PODXL: variants seen among roughly 807,000 people sequenced by gnomAD.
The protein encoded by PODXL is podocalyxin.
A neutral mutation model predicts 48.9 loss-of-function variants in PODXL; 20 were observed. That is an observed-to-expected ratio of 0.41 (90% confidence interval 0.29 to 0.59). The LOEUF is 0.59. PODXL is among the 20% of genes least tolerant of loss of function. PODXL has a pLI of 0.31. For synonymous variants in PODXL, 295 were observed against 287.4 expected, an observed-to-expected ratio of 1.03 and a Z score of -0.27; for missense variants, 606 against 675.1, an observed-to-expected ratio of 0.90 and a Z score of 1.13.
chr7:131,513,661 G>A (rs1797951233), intron 1 of PODXL, among the ~76,000 whole-genome samples: 1 of 152,188 alleles, frequency 6.6e-6, no homozygotes, highest in Non-Finnish European at 1.5e-5. Context: ...CAGGAGTGGT[G>A]ACATCATGCA....
chr7:131,552,160 T>G (rs1798678715), intron 1 of PODXL, among the ~76,000 whole-genome samples: 1 of 152,146 alleles, frequency 6.6e-6, no homozygotes, highest in South Asian at 2.1e-4. Flanking sequence ...CCGGTTCCCC[T>G]CAGTTCTACA....
intron 1 of PODXL, among the ~76,000 whole-genome samples, chr7:131,548,176 CTG>C (rs1798612619): frequency 6.6e-6 from 1 of 152,234 alleles, no homozygotes; most frequent in Non-Finnish European, 1.5e-5. Context: ...TTCCTGAGAG[CTG>C]TGTTTCCTGA....
chr7:131,506,164 A>G (rs937985156), intron 7 of PODXL, 96 bp downstream of exon 7: 10 of 1,545,266 alleles, frequency 6.5e-6, no homozygotes, highest in Non-Finnish European at 8.9e-6. Context: ...ATGCAGGCAC[A>G]TGACGGGGTT....
chr7:131,530,777 A>T lies in PODXL; in HGVS notation c.101-19344T>A, dbSNP rs1490695710. On this transcript the variant is annotated intron_variant, in intron 1 of 8. Transcript: ENST00000378555. ...TGTCTCAGAAAAAAAAAAAAAAAAA[A>T]GGCCAGGTGTGGTGGCTCCCACCTA... Among the ~76,000 whole-genome samples, 6 of 147,782 alleles carry T rather than the reference A, an allele frequency of 4.1e-5. No homozygotes were observed. In the East Asian group the frequency reaches 1.2e-3, roughly 30 times the overall value.
At chr7:131,506,775 C>A (rs775819407) in intron 5 of PODXL, 49 bp from the exon 6 acceptor site, 10 of 1,577,362 alleles carry the variant, frequency 6.3e-6, no homozygotes, top group Non-Finnish European at 8.6e-6. Flanking sequence ...TGACAGCAGC[C>A]TAGGCCTGTG....
intron 1 of PODXL, among the ~76,000 whole-genome samples, chr7:131,537,384 C>T (rs958980749): frequency 5.9e-5 from 9 of 151,722 alleles, no homozygotes; most frequent in Non-Finnish European, 1.3e-4. Context: ...GTCAGGAGTT[C>T]GAGACAATCC....
At chr7:131,506,144 C>CCT in intron 7 of PODXL, 109 bp from the exon 8 acceptor site, 1 of 1,546,220 alleles carries the variant, frequency 6.5e-7, no homozygotes, top group Non-Finnish European at 8.9e-7. Flanking sequence ...GTGCCGCCGC[C>CCT]CTCTTCTACA....
rs1249499313 is a variant in PODXL, at chr7:131,501,308, G to C, written c.*3003C>G. The C allele has an allele frequency of 6.6e-6, 1 of 152,558 alleles. No homozygotes were observed. The highest frequency in any genetic ancestry group is 1.5e-5 in the Non-Finnish European group (1 of 68,034). The allele number at this position is 152,558 out of a possible 1,614,324, so 9.5% of individuals were successfully genotyped here. On this transcript the variant is annotated 3_prime_UTR_variant, in exon 9 of 9. Transcript: ENST00000378555. ...TTTCAAAGTATGTTCACTTAAAGCA[G>C]TGCAGGGTAGGTTAACATGGTCACT... is the stretch of plus-strand genomic sequence containing the variant.
chr7:131,535,333 T>C (rs565280622), intron 1 of PODXL, among the ~76,000 whole-genome samples: 2 of 152,220 alleles, frequency 1.3e-5, no homozygotes, highest in East Asian at 3.9e-4. Context: ...GTTATTACAG[T>C]AAGCTGTACG....
intron 1 of PODXL, among the ~76,000 whole-genome samples, chr7:131,521,934 C>T (rs181072481): frequency 9.8e-5 from 15 of 152,326 alleles, no homozygotes; most frequent in Admixed American, 8.5e-4. Flanking sequence ...GGAAACCTCC[C>T]GCAGCCAGGG....
chr7:131,510,831 G>A lies in PODXL; in HGVS notation c.703C>T (p.Leu235=). 6.2e-7 allele frequency: 1 copy of A among 1,614,128 alleles called. No individual in the cohort carries two copies. The highest frequency in any genetic ancestry group is 8.5e-7 in the Non-Finnish European group (1 of 1,180,022). ...AAGAAAACCAGGCATTACTTACGTAGGGTGGTGGTCATCCCCGGGCTTGTG... is the reference window on the plus strand; with the variant it reads ...AAGAAAACCAGGCATTACTTACGTAAGGTGGTGGTCATCCCCGGGCTTGTG... ...TFTSPGMTTT[L]LETVFHHVSQ... is the part of the protein sequence containing the mutation. Residue 235 remains leucine (L), a synonymous_variant, in exon 2 of 9, where the codon CTA becomes TTA. Coordinates refer to ENST00000378555, the MANE Select transcript of PODXL (RefSeq NM_001018111.3).
Position 131,502,654 on chromosome 7 carries a change from A to G in PODXL, c.*1657T>C, listed in dbSNP as rs1797726697. The G allele has an allele frequency of 6.6e-6, 1 of 152,280 alleles. No homozygotes were observed. The allele number at this position is 152,280 out of a possible 1,614,324, so 9.4% of individuals were successfully genotyped here. ...TTCATTCCCCTAAGCAGTTCTGCCC[A>G]TTTTCCTACTTGATCCCAGGGAATT... On this transcript the variant is annotated 3_prime_UTR_variant, in exon 9 of 9. Transcript: ENST00000378555.
At chr7:131,541,771 T>TA in intron 1 of PODXL, among the ~76,000 whole-genome samples, 1 of 152,114 alleles carries the variant, frequency 6.6e-6, no homozygotes, top group Middle Eastern at 3.4e-3. Flanking sequence ...CAGGGAAAGT[T>TA]AAAGGCCATG....
At chr7:131,540,389 G>A (rs565882014) in intron 1 of PODXL, among the ~76,000 whole-genome samples, 1 of 152,076 alleles carries the variant, frequency 6.6e-6, no homozygotes, top group Admixed American at 6.5e-5. Flanking sequence ...GACTAGCCCA[G>A]GGAAGGCCCC....
intron 4 of PODXL, 84 bp from the exon 5 acceptor site, chr7:131,509,112 T>A: frequency 8.2e-7 from 1 of 1,217,634 alleles, no homozygotes; most frequent in Non-Finnish European, 1.2e-6. Flanking sequence ...GTGACCCAGA[T>A]AGGAAAGAGT....
intron 1 of PODXL, among the ~76,000 whole-genome samples, chr7:131,545,380 T>C (rs1007083722): frequency 3.3e-5 from 5 of 152,210 alleles, no homozygotes; most frequent in Non-Finnish European, 7.3e-5. Flanking sequence ...GAGTGTGTTG[T>C]TATAGCTAAC....
intron 1 of PODXL, chr7:131,520,222 C>T (rs1485145853): frequency 4.9e-6 from 2 of 410,634 alleles, no homozygotes; most frequent in Non-Finnish European, 4.8e-6. Context: ...ATCAACAATC[C>T]CAAGAGCTTC....
In PODXL at chr7:131,503,647, G is replaced by A. The variant is rs960481645; in HGVS notation, c.*664C>T. The A allele has an allele frequency of 1.3e-5, 2 of 152,770 alleles. No homozygotes were observed. Among genetic ancestry groups the A allele is most frequent in the Admixed American group, 1.3e-4 (2 of 15,312 alleles). 9.5% of individuals were successfully genotyped at this position (152,770 alleles called of 1,614,324 possible). A position where few individuals can be genotyped will look rare whatever the true frequency, so the allele number is the denominator to read the frequency against. On this transcript the variant is annotated 3_prime_UTR_variant, in exon 9 of 9. Coordinates refer to ENST00000378555, the MANE Select transcript of PODXL (RefSeq NM_001018111.3). ...AGGGGTTCAAGGTTATGAATAACCT[G>A]TGCTAATCCCAGAGGCCCCAGGACA...
intron 1 of PODXL, among the ~76,000 whole-genome samples, chr7:131,534,597 C>T (rs1002343705): frequency 6.6e-6 from 1 of 152,192 alleles, no homozygotes; most frequent in Non-Finnish European, 1.5e-5. Context: ...CTGTGCCCTT[C>T]TCCCTCTTGG....
Sources: allele counts gnomAD v4.1 joint callset (sites outside exome capture counted in the v4.1 genomes callset), GRCh38; gene constraint gnomAD v4.1.1; transcripts MANE v1.5; gene names NCBI Gene and HGNC (gene_info 2026-07-23, HGNC 2026-07-21).